The following TENM1 variants were observed in gnomAD, a reference collection of about 807,000 sequenced individuals.
TENM1 encodes teneurin transmembrane protein 1.
Under a neutral mutation model 174.8 loss-of-function variants are expected in TENM1, and 35 were observed. The ratio of observed to expected loss-of-function variants is 0.20; its 90% CI spans 0.15 to 0.27. The LOEUF (loss-of-function observed/expected upper bound fraction) is 0.27, where lower values mean the gene tolerates loss of function less well. Ranked by LOEUF, TENM1 falls within the 10% of genes least tolerant of loss-of-function variation. TENM1 has a pLI of 1.00. For synonymous variants in TENM1, 781 were observed against 798.7 expected, an observed-to-expected ratio of 0.98 and a Z score of 0.37; for missense variants, 1,633 against 2,130.1, an observed-to-expected ratio of 0.77 and a Z score of 4.59.
chrX:124,826,673 T>C (rs1353243162), intron 3 of TENM1, among the ~76,000 whole-genome samples: 1 of 111,912 alleles, frequency 8.9e-6, no homozygotes, highest in Non-Finnish European at 1.9e-5. Context: ...AGTTGTTCTT[T>C]CTGGGTTGTG....
intron 3 of TENM1, among the ~76,000 whole-genome samples, chrX:124,757,614 A>G (rs1409704829): frequency 8.9e-6 from 1 of 112,061 alleles, no homozygotes; most frequent in Non-Finnish European, 1.9e-5. Context: ...TAGACTGGAG[A>G]TGTTCCTATT....
At chrX:124,453,180 C>T (rs374413926) in intron 23 of TENM1, among the ~76,000 whole-genome samples, 157 bp downstream of exon 26, 2 of 111,639 alleles carry the variant, frequency 1.8e-5, no homozygotes, top group East Asian at 2.8e-4. Context: ...GCTTTTCTAA[C>T]GAGGAAAAAA....
At chrX:124,636,235 A>C (rs2050875912) in intron 11 of TENM1, among the ~76,000 whole-genome samples, 1 of 112,123 alleles carries the variant, frequency 8.9e-6, no homozygotes, top group Non-Finnish European at 1.9e-5. Context: ...CTCAATTAAA[A>C]GTCTGCACAG....
At chrX:124,509,062 A>T (rs1236801783) in intron 18 of TENM1, among the ~76,000 whole-genome samples, 1 of 106,109 alleles carries the variant, frequency 9.4e-6, no homozygotes, top group Non-Finnish European at 2.0e-5. Flanking sequence ...CAAATATAAA[A>T]GTAAAACAAA....
At chrX:124,621,532 G>A (rs1029370030) in intron 11 of TENM1, among the ~76,000 whole-genome samples, 3 of 112,073 alleles carry the variant, frequency 2.7e-5, no homozygotes, top group African/African-American at 6.5e-5. Context: ...ATTCATTTAT[G>A]TTTCATACAC....
chrX:125,080,667 C>T, the TENM1 span, among the ~76,000 whole-genome samples: 1,857 of 110,513 alleles, frequency 0.017, 33 homozygotes, highest in African/African-American at 0.056. Context: ...TTTTGGAGCC[C>T]GAGCTAGTAA....
At chrX:124,689,339 G>A (rs780159868) in intron 5 of TENM1, among the ~76,000 whole-genome samples, 11 of 112,022 alleles carry the variant, frequency 9.8e-5, no homozygotes, top group African/African-American at 2.6e-4. Flanking sequence ...GGTATTCAGC[G>A]TATTGTATAT....
chrX:124,384,443 T>G, exon 30 of TENM1: 1 of 1,211,115 alleles, frequency 8.3e-7, no homozygotes, highest in Non-Finnish European at 1.1e-6. Flanking sequence ...AAGTTGCCCA[T>G]CAGCATCGTA....
chrX:125,006,223 TC>T, the TENM1 span, among the ~76,000 whole-genome samples: 2 of 111,830 alleles, frequency 1.8e-5, no homozygotes, highest in African/African-American at 3.3e-5. Flanking sequence ...TAGGTGGTTT[TC>T]CCCTGACAGT....
chrX:125,005,150 C>T, the TENM1 span, among the ~76,000 whole-genome samples: 8 of 106,612 alleles, frequency 7.5e-5, no homozygotes, highest in Non-Finnish European at 1.5e-4. Context: ...GTGTGCTCCA[C>T]ATAATACTAA....
intron 17 of TENM1, 114 bp downstream of exon 20, chrX:124,523,250 G>T: frequency 1.2e-6 from 1 of 808,321 alleles, no homozygotes; most frequent in Non-Finnish European, 1.8e-6. Context: ...GACAAATAAA[G>T]GGCAGCACAT....
chrX:125,024,410 C>A, the TENM1 span, among the ~76,000 whole-genome samples: 1 of 109,687 alleles, frequency 9.1e-6, no homozygotes, highest in Admixed American at 9.8e-5. Context: ...CACACCCCTA[C>A]TGAAACACTA....
chrX:125,125,392 T>C, the TENM1 span, among the ~76,000 whole-genome samples: 1 of 112,198 alleles, frequency 8.9e-6, no homozygotes, highest in East Asian at 2.8e-4. Flanking sequence ...AGTCCAGTCC[T>C]ATGATTAACT....
At chrX:124,666,810 CCT>C (rs1356436718) in intron 6 of TENM1, among the ~76,000 whole-genome samples, 4 of 111,587 alleles carry the variant, frequency 3.6e-5, no homozygotes, top group Non-Finnish European at 5.6e-5. Context: ...TGATACTTCC[CCT>C]GATTGCAACA....
At chrX:124,981,261 T>C in the TENM1 span, among the ~76,000 whole-genome samples, 2 of 111,756 alleles carry the variant, frequency 1.8e-5, no homozygotes, top group African/African-American at 6.5e-5. Context: ...GTTTTATTAC[T>C]CCTATTCTGG....
intron 14 of TENM1, among the ~76,000 whole-genome samples, chrX:124,550,543 GT>G (rs1309337933): frequency 9.0e-6 from 1 of 111,096 alleles, no homozygotes; most frequent in Non-Finnish European, 1.9e-5. Flanking sequence ...GAGGCTAAAT[GT>G]AGTTGCAGTG....
At chrX:124,753,965 C>A (rs1261042212) in intron 3 of TENM1, among the ~76,000 whole-genome samples, 3 of 111,288 alleles carry the variant, frequency 2.7e-5, no homozygotes, top group Non-Finnish European at 5.6e-5. Flanking sequence ...TTGGTTGTGT[C>A]TCTGCCAGGC....
At chrX:124,775,595 G>C (rs186783760) in intron 3 of TENM1, among the ~76,000 whole-genome samples, 1 of 112,036 alleles carries the variant, frequency 8.9e-6, no homozygotes, top group African/African-American at 3.2e-5. Flanking sequence ...GGAGAACTTG[G>C]CTCTTCCTTT....
chrX:124,660,676 C>T (rs767518256), intron 6 of TENM1, among the ~76,000 whole-genome samples: 1 of 111,589 alleles, frequency 9.0e-6, no homozygotes, highest in African/African-American at 3.3e-5. Flanking sequence ...AATGAGATAC[C>T]ATTTTACACC....
Sources: allele counts gnomAD v4.1 joint callset (sites outside exome capture counted in the v4.1 genomes callset), GRCh38; gene constraint gnomAD v4.1.1; transcripts MANE v1.5; gene names NCBI Gene and HGNC (gene_info 2026-07-23, HGNC 2026-07-21).